DNM3: variants seen among roughly 807,000 people sequenced by gnomAD.
DNM3 encodes the protein dynamin-3.
A neutral mutation model predicts 101.6 loss-of-function variants in DNM3; 47 were observed. The ratio of observed to expected loss-of-function variants is 0.46; its 90% confidence interval spans 0.37 to 0.59. The LOEUF is 0.59. Ranked by LOEUF, DNM3 falls within the 20% of genes least tolerant of loss-of-function variation. The pLI is 0.00. For synonymous variants in DNM3, 385 were observed against 387.9 expected (o/e 0.99, Z 0.09); for missense variants, 849 against 1,085.7 (o/e 0.78, Z 3.06).
chr1:172,226,127 G>C (rs1460896832), intron 14 of DNM3, among the ~76,000 whole-genome samples: 1 of 151,904 alleles, frequency 6.6e-6, no homozygotes, highest in Non-Finnish European at 1.5e-5. Context: ...ATCACCTCAG[G>C]ATAAATTCAT....
intron 11 of DNM3, among the ~76,000 whole-genome samples, chr1:172,079,194 A>C (rs897381662): frequency 1.3e-5 from 2 of 152,132 alleles, no homozygotes; most frequent in East Asian, 1.9e-4. Context: ...GTTCTCCTGG[A>C]TAATATCCTG....
Position 172,041,392 on chromosome 1 carries a change from G to C in DNM3, c.993-617G>C, listed in dbSNP as rs559680822. Among the ~76,000 whole-genome samples, 18 of 152,258 alleles carry C rather than the reference G, an allele frequency of 1.2e-4. No homozygotes were observed. The East Asian group carries it at 2.9e-3, about 25-fold the overall frequency. On this transcript the variant is annotated intron_variant, in intron 7 of 20. Coordinates refer to ENST00000627582, the MANE Select transcript of DNM3 (RefSeq NM_015569.5). The stretch of plus-strand genomic sequence containing the variant: ...AATGCAGGAGGATCAGCAGGTTTGG[G>C]AGTGAAAGAAATTGAGAGGTTGTTT...
At chr1:171,869,026 G>A (rs138008283) in intron 1 of DNM3, among the ~76,000 whole-genome samples, 2,190 of 152,092 alleles carry the variant, frequency 0.014, 60 homozygotes, top group African/African-American at 0.048. Flanking sequence ...CAGGTGATCC[G>A]CCTGCCTCAG....
intron 1 of DNM3, among the ~76,000 whole-genome samples, chr1:171,911,479 C>T (rs1278514864): frequency 1.3e-5 from 2 of 152,010 alleles, no homozygotes; most frequent in Non-Finnish European, 1.5e-5. Context: ...GACGGGGTTT[C>T]GCCATTTTGG....
At chr1:172,342,870 A>G (rs995998906) in intron 17 of DNM3, among the ~76,000 whole-genome samples, 1 of 152,118 alleles carries the variant, frequency 6.6e-6, no homozygotes, top group Non-Finnish European at 1.5e-5. Flanking sequence ...TCCCTTTTAC[A>G]TTTCCTCTTT....
intron 1 of DNM3, among the ~76,000 whole-genome samples, chr1:171,894,453 G>A (rs1278730565): frequency 2.6e-5 from 4 of 151,882 alleles, no homozygotes; most frequent in African/African-American, 4.8e-5. Flanking sequence ...CTCCCAGGCT[G>A]GAGTGCAGTG....
At chr1:172,206,367 C>T (rs2060322083) in intron 14 of DNM3, among the ~76,000 whole-genome samples, 1 of 152,006 alleles carries the variant, frequency 6.6e-6, no homozygotes, top group Non-Finnish European at 1.5e-5. Context: ...AAGTGTTTTT[C>T]CTTGAAACAA....
intron 12 of DNM3, among the ~76,000 whole-genome samples, chr1:172,086,541 G>C (rs949007493): frequency 6.6e-6 from 1 of 152,034 alleles, no homozygotes; most frequent in Non-Finnish European, 1.5e-5. Flanking sequence ...TTGAAATGTG[G>C]GTAGTGCAAT....
chr1:171,959,495 C>T (rs1280749840), intron 2 of DNM3, among the ~76,000 whole-genome samples: 1 of 152,098 alleles, frequency 6.6e-6, no homozygotes, highest in African/African-American at 2.4e-5. Flanking sequence ...ATATGCAAGC[C>T]TGCAGCTTGT....
chr1:172,412,464 G>A lies in DNM3; in HGVS notation c.*4623G>A. 1 of 985,544 alleles carries A rather than the reference G, an allele frequency of 1.0e-6. No individual in the cohort carries two copies. The highest frequency in any genetic ancestry group is 1.2e-6 in the Non-Finnish European group (1 of 829,868). The allele number at this position is 985,544 out of a possible 1,614,324, so 61.0% of individuals were successfully genotyped here. A position where few individuals can be genotyped will look rare whatever the true frequency, so the allele number is the denominator to read the frequency against. Reference sequence around the variant, plus strand: ...CTTTTTTGGGTCAAATTTTTCTTTTGCTTTGTTTGAAGAAGGAATATACAG... The same window carrying A: ...CTTTTTTGGGTCAAATTTTTCTTTTACTTTGTTTGAAGAAGGAATATACAG... On this transcript the variant is annotated 3_prime_UTR_variant, in exon 21 of 21. Transcript: ENST00000627582.
At chr1:172,109,918 CT>C (rs1451940148) in intron 13 of DNM3, among the ~76,000 whole-genome samples, 2 of 152,126 alleles carry the variant, frequency 1.3e-5, no homozygotes, top group Non-Finnish European at 2.9e-5. Flanking sequence ...AAAAGACTGA[CT>C]TTAACCAGGA....
At chr1:172,000,619 T>G (rs912730480) in intron 4 of DNM3, among the ~76,000 whole-genome samples, 1 of 152,058 alleles carries the variant, frequency 6.6e-6, no homozygotes, top group African/African-American at 2.4e-5. Context: ...TTGAACTCGG[T>G]CCAAATCATC....
intron 14 of DNM3, among the ~76,000 whole-genome samples, chr1:172,190,096 G>T (rs1306997771): frequency 6.0e-5 from 9 of 149,520 alleles, no homozygotes; most frequent in African/African-American, 1.7e-4. Flanking sequence ...GTCCCATGTT[G>T]GTGTGCTGTA....
intron 15 of DNM3, among the ~76,000 whole-genome samples, chr1:172,300,009 C>CGG (rs988204118): frequency 1.3e-5 from 2 of 152,142 alleles, no homozygotes; most frequent in African/African-American, 4.8e-5. Flanking sequence ...ACCAACATCA[C>CGG]ATAAGTGTTC....
At chr1:172,200,392 C>A (rs954619022) in intron 14 of DNM3, among the ~76,000 whole-genome samples, 2 of 152,086 alleles carry the variant, frequency 1.3e-5, no homozygotes, top group Non-Finnish European at 2.9e-5. Flanking sequence ...TTAGGATAAT[C>A]TTCTTGGGTA....
At chr1:172,066,134 A>G (rs757395519) in intron 10 of DNM3, among the ~76,000 whole-genome samples, 1 of 152,114 alleles carries the variant, frequency 6.6e-6, no homozygotes, top group Non-Finnish European at 1.5e-5. Context: ...TTACTCAAGA[A>G]TGTTGGTATT....
chr1:172,222,338 G>T (rs188134909), intron 14 of DNM3, among the ~76,000 whole-genome samples: 1 of 152,146 alleles, frequency 6.6e-6, no homozygotes, highest in Non-Finnish European at 1.5e-5. Context: ...ATTCTGAACA[G>T]ATTTTCTCAA....
intron 1 of DNM3, among the ~76,000 whole-genome samples, chr1:171,916,473 A>G (rs919181111): frequency 2.0e-5 from 3 of 152,204 alleles, no homozygotes; most frequent in Non-Finnish European, 4.4e-5. Flanking sequence ...TAACTCTTCC[A>G]TATCACTACA....
intron 1 of DNM3, among the ~76,000 whole-genome samples, chr1:171,878,929 G>A (rs181099129): frequency 6.6e-6 from 1 of 152,124 alleles, no homozygotes; most frequent in Admixed American, 6.5e-5. Context: ...CTTTGTCATT[G>A]TGGGAAATTA....
Sources: gnomAD v4.1 joint callset for allele counts (sites outside exome capture counted in the v4.1 genomes callset) on GRCh38, gnomAD v4.1.1 for gene constraint, MANE v1.5 for transcripts, NCBI Gene and HGNC (gene_info 2026-07-23, HGNC 2026-07-21) for gene names.